The following PRIM2 variants were observed in gnomAD, a reference collection of about 807,000 sequenced individuals.
PRIM2 encodes DNA primase large subunit.
Under a neutral mutation model 67.3 loss-of-function variants are expected in PRIM2, and 39 were observed. The ratio of observed to expected loss-of-function variants is 0.58; its 90% CI spans 0.45 to 0.76. The LOEUF (loss-of-function observed/expected upper bound fraction) is 0.76, where lower values mean the gene tolerates loss of function less well. PRIM2 is among the 30% of genes least tolerant of loss of function. The pLI, the probability that PRIM2 is intolerant of heterozygous loss-of-function variation, is 0.00. For missense variants in PRIM2, 398 were observed against 598.7 expected (o/e 0.66, Z 3.50); for synonymous variants, 143 against 198.7 (o/e 0.72, Z 2.36).
Position 57,606,409 on chromosome 6 carries a change from G to A in PRIM2, c.1182G>A (p.Leu394=). ...CPFRHSDPEL[L]KQKLQSYKIS... The stretch of plus-strand genomic sequence containing the variant: ...TCCGTCACAGTGATCCAGAGCTGCT[G>A]AAGCAAAAGTTGCAGTCATACAAGA... The change falls in exon 12 of 14, where the codon CTG becomes CTA. Residue 394 remains leucine, a synonymous_variant. Transcript: ENST00000615550. 1.3e-6 allele frequency: 2 copies of A among 1,599,550 alleles called. No individual in the cohort carries two copies. Among genetic ancestry groups the A allele is most frequent in the Middle Eastern group, 1.7e-4 (1 of 6,054 alleles).
rs1159849986 is a variant in PRIM2, at chr6:57,600,881, T to C, written c.1021-212T>C. On this transcript the variant is annotated intron_variant, in intron 10 of 13. Transcript: ENST00000615550. Reference sequence around the variant, plus strand: ...TATCTTCTACCTGATAAATTTGTTTTCTGTAAGTTTTGTACCTTTTTTTAA... The same window carrying C: ...TATCTTCTACCTGATAAATTTGTTTCCTGTAAGTTTTGTACCTTTTTTTAA... Among the ~76,000 whole-genome samples, 212 of 152,336 alleles carry C rather than the reference T, an allele frequency of 1.4e-3. 5 individuals are homozygous for C. The East Asian group carries it at 0.019, about 14-fold the overall frequency.
At chr6:57,541,254 T>C (rs1198546058) in intron 10 of PRIM2, among the ~76,000 whole-genome samples, 35 of 152,224 alleles carry the variant, frequency 2.3e-4, no homozygotes, top group African/African-American at 7.9e-4. Flanking sequence ...ACTTTCTTTC[T>C]CTTTTTGTAT....
At chr6:57,497,899 T>C (rs1554346520) in intron 7 of PRIM2, among the ~76,000 whole-genome samples, 3 of 152,068 alleles carry the variant, frequency 2.0e-5, no homozygotes, top group Non-Finnish European at 4.4e-5. Context: ...GAGAACAAAT[T>C]TGGTTCCAGG....
intron 10 of PRIM2, among the ~76,000 whole-genome samples, chr6:57,560,037 A>C (rs1322199775): frequency 0.069 from 10,526 of 152,138 alleles, 522 homozygotes; most frequent in East Asian, 0.21. Flanking sequence ...TTCATAAAAG[A>C]TTTCTTTGTG....
chr6:57,396,943 A>G (rs1283482652), intron 7 of PRIM2, among the ~76,000 whole-genome samples: 1 of 152,192 alleles, frequency 6.6e-6, no homozygotes, highest in Non-Finnish European at 1.5e-5. Context: ...TTTTCTGGAT[A>G]TAAAATTCTT....
chr6:57,560,048 G>A (rs1775597254), intron 10 of PRIM2, among the ~76,000 whole-genome samples: 1 of 152,164 alleles, frequency 6.6e-6, no homozygotes, highest in South Asian at 2.1e-4. Context: ...TTTCTTTGTG[G>A]CATGCAGTGC....
rs1363857741 is a variant in PRIM2 at position 57,543,002 on chromosome 6, A to G, written c.1020+5377A>G. Among the ~76,000 whole-genome samples, 760 of 125,952 alleles carry G rather than the reference A, an allele frequency of 6.0e-3. 8 individuals are homozygous for G. Among genetic ancestry groups the G allele is most frequent in the African/African-American group, 0.022 (706 of 31,496 alleles). 82.6% of individuals were successfully genotyped at this position (125,952 alleles called of 152,430 possible). ...CGCCCAGGCTGGAGTGCAGTGGCGC[A>G]ATCTCGGCTCACTGCAGGCTCCGCC... is the stretch of plus-strand genomic sequence containing the variant. On this transcript the variant is annotated intron_variant, in intron 10 of 13. Coordinates refer to ENST00000615550, the MANE Select transcript of PRIM2 (RefSeq NM_000947.5).
At chr6:57,224,423 T>A in the PRIM2 span, among the ~76,000 whole-genome samples, 1 of 151,966 alleles carries the variant, frequency 6.6e-6, no homozygotes, top group Admixed American at 6.6e-5. Flanking sequence ...TGGGAAGTGG[T>A]TGTGGGAAAG....
At chr6:57,602,129 G>A (rs1460353935) in intron 11 of PRIM2, among the ~76,000 whole-genome samples, 1 of 150,076 alleles carries the variant, frequency 6.7e-6, no homozygotes, top group Non-Finnish European at 1.5e-5. Flanking sequence ...GCGCGATCTC[G>A]GCTCACTGCA....
chr6:57,417,501 ACTAAT>A (rs1771306402), intron 7 of PRIM2, among the ~76,000 whole-genome samples: 2 of 152,202 alleles, frequency 1.3e-5, no homozygotes, highest in Non-Finnish European at 2.9e-5. Context: ...ATTGTGAGTT[ACTAAT>A]TTCAATATTA....
intron 7 of PRIM2, among the ~76,000 whole-genome samples, chr6:57,497,934 TCTCA>T (rs1774042169): frequency 6.6e-6 from 1 of 152,170 alleles, no homozygotes. Context: ...TAATGTGGAA[TCTCA>T]CAGTTTGGGG....
intron 7 of PRIM2, among the ~76,000 whole-genome samples, chr6:57,394,519 T>C (rs1166850585): frequency 1.3e-5 from 2 of 152,194 alleles, no homozygotes; most frequent in African/African-American, 2.4e-5. Flanking sequence ...TAATCTTGTA[T>C]CTGGAAACTT....
chr6:57,315,513 T>C (rs1156964807), upstream of PRIM2, among the ~76,000 whole-genome samples: 2 of 152,332 alleles, frequency 1.3e-5, no homozygotes, highest in Middle Eastern at 3.4e-3. Context: ...AGTAGTTTCA[T>C]TATAAAATCC....
chr6:57,276,182 G>A, the PRIM2 span, among the ~76,000 whole-genome samples: 1 of 152,128 alleles, frequency 6.6e-6, no homozygotes, highest in Non-Finnish European at 1.5e-5. Flanking sequence ...CTGAGGTTGG[G>A]AGTTCAAGAC....
the PRIM2 span, among the ~76,000 whole-genome samples, chr6:57,273,923 C>T: frequency 3.3e-5 from 5 of 152,164 alleles, no homozygotes; most frequent in South Asian, 6.2e-4. Flanking sequence ...GTATCAGCAG[C>T]GGTGGCTGCA....
intron 5 of PRIM2, among the ~76,000 whole-genome samples, chr6:57,330,731 G>T (rs1318129706): frequency 6.6e-6 from 1 of 152,000 alleles, no homozygotes; most frequent in Non-Finnish European, 1.5e-5. Flanking sequence ...ATGTTGCATG[G>T]TTTTAGCTGT....
At chr6:57,571,218 A>G (rs1775857215) in intron 10 of PRIM2, among the ~76,000 whole-genome samples, 4 of 152,212 alleles carry the variant, frequency 2.6e-5, no homozygotes, top group Admixed American at 2.6e-4. Flanking sequence ...TTGAGCTTTA[A>G]GATGGCAAAT....
intron 7 of PRIM2, among the ~76,000 whole-genome samples, chr6:57,490,110 A>T (rs1554345839): frequency 6.6e-6 from 1 of 152,164 alleles, no homozygotes; most frequent in Non-Finnish European, 1.5e-5. Flanking sequence ...CAGCTGCCCC[A>T]GGGCACTGAC....
In PRIM2 at chr6:57,519,197, C is replaced by A. The variant is rs1380188024; in HGVS notation, c.761+11743C>A. On this transcript the variant is annotated intron_variant, in intron 8 of 13. Transcript: ENST00000615550. The stretch of plus-strand genomic sequence containing the variant: ...AGGGCGAGATCACAGGACCACAGGA[C>A]CGAGGTGAAATTAAAATTGCTAATG... Among the ~76,000 whole-genome samples, 4 of 152,300 alleles carry A rather than the reference C, an allele frequency of 2.6e-5. No individual in the cohort carries two copies. In the South Asian group the frequency reaches 6.2e-4, roughly 24 times the overall value.
Sources: allele counts gnomAD v4.1 joint callset (sites outside exome capture counted in the v4.1 genomes callset), GRCh38; gene constraint gnomAD v4.1.1; transcripts MANE v1.5; gene names NCBI Gene and HGNC (gene_info 2026-07-23, HGNC 2026-07-21).